The following GLRB variants were observed in gnomAD, a reference collection of about 807,000 sequenced individuals.
GLRB encodes glycine receptor subunit beta.
Under a neutral mutation model 54.2 loss-of-function variants are expected in GLRB, and 33 were observed. The ratio of observed to expected loss-of-function variants is 0.61; its 90% CI spans 0.46 to 0.81. The LOEUF is 0.81. Ranked by LOEUF, GLRB falls within the 40% of genes least tolerant of loss-of-function variation. GLRB has a pLI of 0.00. For missense variants in GLRB, 572 were observed against 584.6 expected (o/e 0.98, Z 0.22); for synonymous variants, 209 against 208.2 (o/e 1.00, Z -0.03).
chr4:157,159,399 T>G (rs191357004), intron 9 of GLRB, among the ~76,000 whole-genome samples: 300 of 152,300 alleles, frequency 2.0e-3, no homozygotes, highest in African/African-American at 6.8e-3. Flanking sequence ...AGGGCATCCC[T>G]GTCTTGTGCC....
intron 6 of GLRB, 52 bp downstream of exon 6, chr4:157,136,938 T>C: frequency 9.4e-7 from 1 of 1,063,804 alleles, no homozygotes; most frequent in Non-Finnish European, 1.5e-6. Context: ...TTAAAATGTC[T>C]GGGTAATACA....
chr4:157,104,709 T>C (rs1478092191), intron 2 of GLRB, among the ~76,000 whole-genome samples: 1 of 152,066 alleles, frequency 6.6e-6, no homozygotes, highest in Non-Finnish European at 1.5e-5. Context: ...TTGGGAGGTT[T>C]TGATTACTGA....
chr4:157,145,953 G>A (rs1419662010), intron 8 of GLRB, among the ~76,000 whole-genome samples: 2 of 152,156 alleles, frequency 1.3e-5, no homozygotes, highest in African/African-American at 4.8e-5. Flanking sequence ...AGTGGGAAAG[G>A]AGGTCAGAAA....
chr4:157,088,615 C>A (rs185964485), intron 2 of GLRB, among the ~76,000 whole-genome samples: 1 of 152,208 alleles, frequency 6.6e-6, no homozygotes, highest in Admixed American at 6.5e-5. Flanking sequence ...GGATGGGAAT[C>A]CCCTCGGTCT....
chr4:157,118,549 G>A (rs1444899380), intron 2 of GLRB, among the ~76,000 whole-genome samples: 8 of 151,612 alleles, frequency 5.3e-5, no homozygotes, highest in African/African-American at 9.6e-5. Flanking sequence ...TTAAAAATCC[G>A]TATGATCTAT....
chr4:157,102,753 A>C (rs1036880100), intron 2 of GLRB, among the ~76,000 whole-genome samples: 1 of 152,136 alleles, frequency 6.6e-6, no homozygotes, highest in Non-Finnish European at 1.5e-5. Flanking sequence ...CTGTGGGAGG[A>C]ACTCTGAATA....
At chr4:157,116,761 T>G (rs1282416344) in intron 2 of GLRB, among the ~76,000 whole-genome samples, 3 of 151,732 alleles carry the variant, frequency 2.0e-5, no homozygotes, top group African/African-American at 7.2e-5. Context: ...CCTGAGTTCA[T>G]GCATATGAAT....
rs192836380 is a variant in GLRB, at chr4:157,096,844, C to A, written c.122+18698C>A. 1.1e-4 allele frequency among the ~76,000 whole-genome samples: 17 copies of A among 152,318 alleles called. No individual in the cohort carries two copies. In the East Asian group the frequency reaches 3.1e-3, roughly 28 times the overall value. On this transcript the variant is annotated intron_variant, in intron 2 of 9. Transcript: ENST00000264428. ...GCAGGGGTGGCCTTTGAAGTCTTTT[C>A]ACTCAGTTTATTAAGTTTCCTGACA...
intron 7 of GLRB, among the ~76,000 whole-genome samples, chr4:157,140,857 GA>G: frequency 6.6e-6 from 1 of 151,904 alleles, no homozygotes; most frequent in East Asian, 1.9e-4. Flanking sequence ...TCTTAGAGAT[GA>G]AAATGACACT....
chr4:157,142,852 C>A lies in GLRB; in HGVS notation c.752-955C>A, dbSNP rs183404872. On this transcript the variant is annotated intron_variant, in intron 7 of 9. Coordinates refer to ENST00000264428, the MANE Select transcript of GLRB (RefSeq NM_000824.5). Reference sequence around the variant, plus strand: ...CATTTGTAAAATGGCAAATGACATTCTTCTCTAAATTAAGCACTTTCGGCA... The same window carrying A: ...CATTTGTAAAATGGCAAATGACATTATTCTCTAAATTAAGCACTTTCGGCA... Among the ~76,000 whole-genome samples, 10 of 152,264 alleles carry A rather than the reference C, an allele frequency of 6.6e-5. No homozygotes were observed. In the East Asian group the frequency reaches 1.9e-3, roughly 29 times the overall value.
intron 9 of GLRB, 50 bp downstream of exon 9, chr4:157,153,060 T>C: frequency 6.9e-7 from 1 of 1,457,452 alleles, no homozygotes; most frequent in Non-Finnish European, 9.6e-7. Flanking sequence ...CACTTCATAG[T>C]GTCAAGAGAG....
At chr4:157,152,634 A>G in intron 8 of GLRB, 84 bp from the exon 9 acceptor site, 3 of 1,045,630 alleles carry the variant, frequency 2.9e-6, no homozygotes, top group Non-Finnish European at 4.5e-6. Flanking sequence ...AAGTTACTGG[A>G]GACGGATTTA....
In GLRB at chr4:157,170,419, T is replaced by C. The variant is rs1305848642; in HGVS notation, c.1198-13T>C. On this transcript the variant is annotated splice_polypyrimidine_tract_variant and intron_variant, in intron 9 of 9. Coordinates refer to ENST00000264428, the MANE Select transcript of GLRB (RefSeq NM_000824.5). ...AAAGTTTTAAATACATTGTCTTCAA[T>C]ATTTATTCTTAGGTTGGTGAGACCA... 2.7e-6 allele frequency: 4 copies of C among 1,502,232 alleles called. No individual in the cohort carries two copies. The highest frequency in any genetic ancestry group is 1.7e-4 in the Middle Eastern group (1 of 5,832). 93.1% of individuals were successfully genotyped at this position (1,502,232 alleles called of 1,614,324 possible). A position where few individuals can be genotyped will look rare whatever the true frequency, so the allele number is the denominator to read the frequency against.
chr4:157,128,905 G>T (rs1271223305), intron 4 of GLRB, among the ~76,000 whole-genome samples: 1 of 151,742 alleles, frequency 6.6e-6, no homozygotes, highest in Non-Finnish European at 1.5e-5. Context: ...GCTGCCAGAT[G>T]CTATAAGAGC....
chr4:157,083,585 T>G (rs1047827546), intron 2 of GLRB, among the ~76,000 whole-genome samples: 13 of 152,264 alleles, frequency 8.5e-5, no homozygotes, highest in African/African-American at 3.1e-4. Context: ...ATTTTTAAGA[T>G]TCAGTGGTTC....
At chr4:157,160,537 G>T (rs951236832) in intron 9 of GLRB, among the ~76,000 whole-genome samples, 13 of 151,680 alleles carry the variant, frequency 8.6e-5, no homozygotes, top group Non-Finnish European at 1.8e-4. Context: ...TTGTGTCTTT[G>T]TTCTCGTTGG....
intron 2 of GLRB, among the ~76,000 whole-genome samples, chr4:157,082,751 T>G (rs1734268097): frequency 6.6e-6 from 1 of 152,040 alleles, no homozygotes; most frequent in Non-Finnish European, 1.5e-5. Context: ...TGAGGCTCTG[T>G]GATATTCAGA....
intron 9 of GLRB, among the ~76,000 whole-genome samples, chr4:157,155,498 C>G (rs185578740): frequency 6.6e-6 from 1 of 152,252 alleles, no homozygotes; most frequent in East Asian, 1.9e-4. Flanking sequence ...TTCCCTTTAT[C>G]TGAGAATGTC....
In GLRB at chr4:157,120,666, T is replaced by TG; in HGVS notation, c.229+5dup. The TG allele has an allele frequency of 7.6e-7, 1 of 1,314,900 alleles. No homozygotes were observed. Among genetic ancestry groups the TG allele is most frequent in the Non-Finnish European group, 1.1e-6 (1 of 910,306 alleles). 81.5% of individuals were successfully genotyped at this position (1,314,900 alleles called of 1,614,324 possible). On this transcript the variant is annotated splice_donor_region_variant and intron_variant, in intron 3 of 9. Coordinates refer to ENST00000264428, the MANE Select transcript of GLRB (RefSeq NM_000824.5). ...AGGATAAGACCAAACTTCAAAGGTT[T>TG]GTCTCCCCCATATAAATGTTCATTT... is the stretch of plus-strand genomic sequence containing the variant.
Sources: allele counts gnomAD v4.1 joint callset (sites outside exome capture counted in the v4.1 genomes callset), GRCh38; gene constraint gnomAD v4.1.1; transcripts MANE v1.5; gene names NCBI Gene and HGNC (gene_info 2026-07-23, HGNC 2026-07-21).